Variants in EXOC4 observed in about 807,000 individuals in gnomAD.
EXOC4 encodes the protein SEC8-like 1.
EXOC4 carries 71 observed loss-of-function variants against 107.2 expected under a neutral mutation model. That is an observed-to-expected ratio of 0.66 (90% CI 0.55 to 0.81). The LOEUF is 0.81. Among genes scored for constraint, EXOC4 ranks in the 30% least tolerant of loss-of-function variants. The probability of loss-of-function intolerance (pLI) is 0.00; values close to 1 mark genes in which losing one functional copy is unlikely to be tolerated. For missense variants in EXOC4, 1,108 were observed against 1,189.6 expected (o/e 0.93, Z 1.01); for synonymous variants, 456 against 441.2 (o/e 1.03, Z -0.42).
chr7:133,379,696 A>G (rs1053710981), intron 7 of EXOC4, among the ~76,000 whole-genome samples: 1 of 151,972 alleles, frequency 6.6e-6, no homozygotes, highest in Non-Finnish European at 1.5e-5. Flanking sequence ...TTCTGAACTG[A>G]AAACAATTAT....
At chr7:133,555,025 G>A (rs1800665563) in intron 9 of EXOC4, among the ~76,000 whole-genome samples, 1 of 152,156 alleles carries the variant, frequency 6.6e-6, no homozygotes, top group African/African-American at 2.4e-5. Context: ...AATCTAGCCT[G>A]TGGGGTGTGG....
intron 7 of EXOC4, among the ~76,000 whole-genome samples, chr7:133,382,319 A>G (rs1237515373): frequency 6.6e-6 from 1 of 152,186 alleles, no homozygotes; most frequent in African/African-American, 2.4e-5. Context: ...CTGCCAGCCT[A>G]GTTTCCAGTA....
intron 9 of EXOC4, among the ~76,000 whole-genome samples, chr7:133,483,520 A>T (rs1370428496): frequency 6.6e-6 from 1 of 152,226 alleles, no homozygotes; most frequent in Non-Finnish European, 1.5e-5. Context: ...CATCCTTCAA[A>T]AAGTTAATTG....
intron 17 of EXOC4, among the ~76,000 whole-genome samples, chr7:134,023,489 A>G (rs1249554367): frequency 6.6e-6 from 1 of 152,122 alleles, no homozygotes; most frequent in African/African-American, 2.4e-5. Context: ...TTTATTTTGT[A>G]TAACTTATGT....
At chr7:133,938,150 C>T in intron 14 of EXOC4, 81 bp downstream of exon 14, 1 of 1,425,932 alleles carries the variant, frequency 7.0e-7, no homozygotes, top group Non-Finnish European at 9.7e-7. Context: ...AGAGTGTACA[C>T]TGGTCACCGT....
At chr7:133,913,388 T>C (rs1279173056) in intron 12 of EXOC4, among the ~76,000 whole-genome samples, 1 of 152,210 alleles carries the variant, frequency 6.6e-6, no homozygotes, top group Non-Finnish European at 1.5e-5. Context: ...TGTGGTGAGT[T>C]CAACTGATGG....
the EXOC4 span, among the ~76,000 whole-genome samples, chr7:134,090,684 G>T: frequency 1.3e-5 from 2 of 151,998 alleles, no homozygotes; most frequent in Non-Finnish European, 2.9e-5. Flanking sequence ...GGTCATGAAG[G>T]GATCTTTTCC....
chr7:133,256,042 C>T (rs993106578), intron 1 of EXOC4, among the ~76,000 whole-genome samples: 3 of 150,864 alleles, frequency 2.0e-5, no homozygotes, highest in East Asian at 2.0e-4. Flanking sequence ...AGTGCAGTGG[C>T]GCAATCTTGG....
At chr7:133,760,401 A>G (rs560347938) in intron 10 of EXOC4, among the ~76,000 whole-genome samples, 140 of 152,270 alleles carry the variant, frequency 9.2e-4, no homozygotes, top group African/African-American at 3.3e-3. Flanking sequence ...ATTTTCCCCC[A>G]ACAGAATGTC....
intron 11 of EXOC4, among the ~76,000 whole-genome samples, chr7:133,819,883 A>G (rs1797469680): frequency 6.6e-6 from 1 of 152,176 alleles, no homozygotes; most frequent in African/African-American, 2.4e-5. Flanking sequence ...GGCCATGTCA[A>G]GGCCATATGC....
At chr7:133,329,466 G>C (rs919627744) in intron 5 of EXOC4, among the ~76,000 whole-genome samples, 14 of 152,196 alleles carry the variant, frequency 9.2e-5, no homozygotes, top group African/African-American at 2.9e-4. Context: ...TTGTTCCCTT[G>C]CTGCTGAGGA....
the EXOC4 span, among the ~76,000 whole-genome samples, chr7:134,095,290 C>G: frequency 6.6e-6 from 1 of 151,990 alleles, no homozygotes; most frequent in African/African-American, 2.4e-5. Context: ...ACAAGGAGAA[C>G]TACAAAACAC....
intron 17 of EXOC4, among the ~76,000 whole-genome samples, chr7:134,035,549 A>G (rs575559900): frequency 6.6e-6 from 1 of 152,324 alleles, no homozygotes; most frequent in East Asian, 1.9e-4. Flanking sequence ...TGTCTTCCAC[A>G]TCAGGAGATT....
At chr7:133,369,554 A>G (rs1023600051) in intron 6 of EXOC4, among the ~76,000 whole-genome samples, 11 of 151,678 alleles carry the variant, frequency 7.3e-5, no homozygotes, top group African/African-American at 2.7e-4. Context: ...CTCTCTAGTT[A>G]CTTTCTAACC....
At chr7:133,594,478 T>C (rs1485355674) in intron 9 of EXOC4, among the ~76,000 whole-genome samples, 1 of 144,904 alleles carries the variant, frequency 6.9e-6, no homozygotes, top group Non-Finnish European at 1.5e-5. Flanking sequence ...AGACAAGAAA[T>C]ACATAAGCTT....
At chr7:133,733,623 G>A (rs1364304833) in intron 10 of EXOC4, 1 of 152,260 alleles carries the variant, frequency 6.6e-6, no homozygotes, top group Non-Finnish European at 1.5e-5. Context: ...CAAAAGGAAA[G>A]AAAGTGCCTC....
chr7:133,356,599 T>C (rs765382820), intron 6 of EXOC4, 26 bp downstream of exon 6: 18 of 1,612,078 alleles, frequency 1.1e-5, no homozygotes, highest in Admixed American at 1.0e-4. Context: ...TTTTGTATTT[T>C]TGACAACTCT....
chr7:133,964,425 C>G (rs1801015748), intron 14 of EXOC4, among the ~76,000 whole-genome samples: 1 of 151,966 alleles, frequency 6.6e-6, no homozygotes, highest in African/African-American at 2.4e-5. Context: ...GTTTGCTGCA[C>G]CCATCAACCG....
intron 3 of EXOC4, among the ~76,000 whole-genome samples, chr7:133,297,531 GCT>G (rs1360022099): frequency 2.6e-5 from 4 of 152,130 alleles, no homozygotes; most frequent in Admixed American, 2.6e-4. Context: ...AGTTCCTTGA[GCT>G]TAGATAAATA....
Sources: gnomAD v4.1 joint callset for allele counts (sites outside exome capture counted in the v4.1 genomes callset) on GRCh38, gnomAD v4.1.1 for gene constraint, MANE v1.5 for transcripts, NCBI Gene and HGNC (gene_info 2026-07-23, HGNC 2026-07-21) for gene names.